CALCR: variants seen among roughly 807,000 people sequenced by gnomAD.
The protein encoded by CALCR is calcitonin receptor.
CALCR carries 47 observed loss-of-function variants against 59.5 expected under a neutral mutation model. That is an observed-to-expected ratio of 0.79 (90% CI 0.63 to 1.01). The LOEUF is 1.01. CALCR is among the 50% of genes least tolerant of loss of function. The pLI, the probability that CALCR is intolerant of heterozygous loss-of-function variation, is 0.00. For synonymous variants in CALCR, 213 were observed against 211.3 expected (o/e 1.01, Z -0.07); for missense variants, 566 against 597.1 (o/e 0.95, Z 0.54).
At chr7:93,537,597 A>G (rs1248446173) in intron 2 of CALCR, among the ~76,000 whole-genome samples, 3 of 151,838 alleles carry the variant, frequency 2.0e-5, no homozygotes, top group Non-Finnish European at 4.4e-5. Flanking sequence ...TTGCAATTGT[A>G]TTTCAAAAAT....
chr7:93,546,665 C>T (rs564230658), intron 2 of CALCR, among the ~76,000 whole-genome samples: 39 of 151,962 alleles, frequency 2.6e-4, no homozygotes, highest in African/African-American at 9.4e-4. Context: ...GATCCTCCCA[C>T]CTCAGCCTCC....
At chr7:93,497,913 C>T (rs1387674658) in intron 2 of CALCR, among the ~76,000 whole-genome samples, 1 of 151,556 alleles carries the variant, frequency 6.6e-6, no homozygotes, top group Non-Finnish European at 1.5e-5. Context: ...AGGAATAATC[C>T]AGCATGGATA....
chr7:93,477,952 AC>A (rs1172771843), intron 4 of CALCR, among the ~76,000 whole-genome samples: 1 of 107,160 alleles, frequency 9.3e-6, no homozygotes, highest in Non-Finnish European at 1.9e-5. Flanking sequence ...AGACTGCAAG[AC>A]CCTCTCTCAA....
rs1359319733 is a variant in CALCR at position 93,425,423 on chromosome 7, C to G, written c.*933G>C. ...TATTCAACAAATTTATCTTTTACTG[C>G]TAGATAGCACCCAAGGGCAAGAGGT... On this transcript the variant is annotated 3_prime_UTR_variant, in exon 14 of 14. Coordinates refer to ENST00000426151, the MANE Select transcript of CALCR (RefSeq NM_001742.4). 3 of 152,558 alleles carry G rather than the reference C, an allele frequency of 2.0e-5. No homozygotes were observed. Among genetic ancestry groups the G allele is most frequent in the Non-Finnish European group, 4.4e-5 (3 of 68,020 alleles). 9.5% of individuals were successfully genotyped at this position (152,558 alleles called of 1,614,324 possible).
chr7:93,443,515 C>T (rs1002392281), intron 9 of CALCR, 89 bp downstream of exon 9: 13 of 1,286,254 alleles, frequency 1.0e-5, no homozygotes, highest in Middle Eastern at 1.9e-4. Flanking sequence ...GGACTTGACT[C>T]TATTCTCTGA....
chr7:93,469,648 A>T (rs1800512960), intron 6 of CALCR, among the ~76,000 whole-genome samples: 1 of 151,098 alleles, frequency 6.6e-6, no homozygotes, highest in Admixed American at 6.6e-5. Context: ...AGCCAATTTC[A>T]TCAGCTGTAA....
chr7:93,497,091 C>T (rs760421546), intron 2 of CALCR, among the ~76,000 whole-genome samples: 6 of 151,566 alleles, frequency 4.0e-5, no homozygotes, highest in Non-Finnish European at 8.9e-5. Flanking sequence ...CCAAGTCTAG[C>T]TGGTAGAAAG....
At chr7:93,571,865 G>C (rs1044641633) in intron 2 of CALCR, among the ~76,000 whole-genome samples, 9 of 151,992 alleles carry the variant, frequency 5.9e-5, no homozygotes, top group Non-Finnish European at 1.0e-4. Context: ...ATTATCATTG[G>C]CACCGGGTAT....
chr7:93,446,613 T>G (rs1800010793), intron 8 of CALCR, among the ~76,000 whole-genome samples: 1 of 151,990 alleles, frequency 6.6e-6, no homozygotes, highest in Admixed American at 6.6e-5. Context: ...GCCCCTGACT[T>G]AATTATAACC....
rs143370605 is a variant in CALCR at position 93,478,010 on chromosome 7, A to G, written c.206-342T>C. Among the ~76,000 whole-genome samples the G allele has an allele frequency of 7.5e-4, 110 of 147,460 alleles. 2 individuals are homozygous for G. The East Asian group carries it at 0.021, about 28-fold the overall frequency. Reference sequence around the variant, plus strand: ...AAAAAAAAAAATTCTACCTAAAACCATGAAGATTTACTTCTATAAAGGTAT... The same window carrying G: ...AAAAAAAAAAATTCTACCTAAAACCGTGAAGATTTACTTCTATAAAGGTAT... On this transcript the variant is annotated intron_variant, in intron 4 of 13. Coordinates refer to ENST00000426151, the MANE Select transcript of CALCR (RefSeq NM_001742.4).
chr7:93,463,393 A>T (rs1800378905), intron 7 of CALCR, among the ~76,000 whole-genome samples: 1 of 151,956 alleles, frequency 6.6e-6, no homozygotes, highest in Admixed American at 6.6e-5. Flanking sequence ...AAGTATGACT[A>T]ATATATGAGT....
intron 9 of CALCR, among the ~76,000 whole-genome samples, chr7:93,438,914 A>G (rs569843938): frequency 6.6e-6 from 1 of 152,142 alleles, no homozygotes; most frequent in East Asian, 1.9e-4. Flanking sequence ...AAAAAAAAAA[A>G]CTTTTTAATT....
rs890664597 is a variant in CALCR at position 93,571,727 on chromosome 7, G to A, written c.-27+2562C>T. On this transcript the variant is annotated intron_variant, in intron 2 of 13. Coordinates refer to ENST00000426151, the MANE Select transcript of CALCR (RefSeq NM_001742.4). ...TTCAAATATATTTTTAATTTACTTG[G>A]TTCGTGGCTTTGAGCGAGTTCATTA... Among the ~76,000 whole-genome samples, 2 of 152,062 alleles carry A rather than the reference G, an allele frequency of 1.3e-5. 1 individual carries two copies. Among genetic ancestry groups the A allele is most frequent in the South Asian group, 4.1e-4 (2 of 4,820 alleles).
rs145735785 is a variant in CALCR, at chr7:93,529,033, C to T, written c.-26-42026G>A. Among the ~76,000 whole-genome samples, 844 of 152,236 alleles carry T rather than the reference C, an allele frequency of 5.5e-3. 9 individuals are homozygous for T. Among genetic ancestry groups the T allele is most frequent in the African/African-American group, 0.014 (596 of 41,548 alleles). ...TATATGAATGCATATTGCATGCATT[C>T]GTGCATGGATGAATGAATGACATCT... On this transcript the variant is annotated intron_variant, in intron 2 of 13. Coordinates refer to ENST00000426151, the MANE Select transcript of CALCR (RefSeq NM_001742.4).
At chr7:93,450,829 C>A (rs1310014805) in intron 8 of CALCR, among the ~76,000 whole-genome samples, 1 of 151,848 alleles carries the variant, frequency 6.6e-6, no homozygotes, top group African/African-American at 2.4e-5. Flanking sequence ...GATAATGAAC[C>A]ACTGTAATAT....
intron 2 of CALCR, among the ~76,000 whole-genome samples, chr7:93,563,443 T>C (rs1789791502): frequency 6.6e-6 from 1 of 152,184 alleles, no homozygotes; most frequent in Admixed American, 6.5e-5. Context: ...TTGCATTTTG[T>C]TAGTAGAAAT....
At chr7:93,429,933 TG>T (rs1180205544) in intron 13 of CALCR, among the ~76,000 whole-genome samples, 1,192 of 84,638 alleles carry the variant, frequency 0.014, 46 homozygotes, top group African/African-American at 0.045. Context: ...TTTGTTTGTT[TG>T]TTTTTTTGTT....
chr7:93,457,869 C>T (rs1483728454), intron 8 of CALCR, among the ~76,000 whole-genome samples: 1 of 151,246 alleles, frequency 6.6e-6, no homozygotes, highest in Admixed American at 6.6e-5. Flanking sequence ...AGACAATCAA[C>T]AGCACCAAGT....
rs1223033228 is a variant in CALCR, at chr7:93,426,443, C to G, written c.1338G>C (p.Glu446Asp). 2 of 1,613,772 alleles carry G rather than the reference C, an allele frequency of 1.2e-6. No homozygotes were observed. Among genetic ancestry groups the G allele is most frequent in the Admixed American group, 3.3e-5 (2 of 60,008 alleles). Residue 446 changes from glutamate to aspartate, a missense_variant, in exon 14 of 14, where the codon GAG (glutamate) becomes GAC (aspartate). Coordinates refer to ENST00000426151, the MANE Select transcript of CALCR (RefSeq NM_001742.4). The stretch of plus-strand genomic sequence containing the variant: ...GGTTGTTGGCTGGTTCATTCCTCAG[C>G]TCCTGATGGCAGATGTAAATTGGGA... ...GDIPIYICHQELRNEPANNQG... is the reference protein window; with the variant it reads ...GDIPIYICHQDLRNEPANNQG...
Sources: allele counts gnomAD v4.1 joint callset (sites outside exome capture counted in the v4.1 genomes callset), GRCh38; gene constraint gnomAD v4.1.1; transcripts MANE v1.5; gene names NCBI Gene and HGNC (gene_info 2026-07-23, HGNC 2026-07-21).